The following MEF2C variants were observed in gnomAD, a reference collection of about 807,000 sequenced individuals.
The protein encoded by MEF2C is myocyte-specific enhancer factor 2C.
Under a neutral mutation model 50.5 loss-of-function variants are expected in MEF2C, and 6 were observed. The ratio of observed to expected loss-of-function variants is 0.12; its 90% confidence interval spans 0.07 to 0.23. The LOEUF is 0.23. Ranked by LOEUF, MEF2C falls within the 10% of genes least tolerant of loss-of-function variation. The probability of loss-of-function intolerance (pLI) is 1.00; values close to 1 mark genes in which losing one functional copy is unlikely to be tolerated. For synonymous variants in MEF2C, 183 were observed against 228.0 expected (o/e 0.80, Z 1.78); for missense variants, 276 against 605.0 (o/e 0.46, Z 5.70).
intron 3 of MEF2C, among the ~76,000 whole-genome samples, chr5:88,791,102 T>G (rs1157948770): frequency 6.6e-6 from 1 of 152,172 alleles, no homozygotes; most frequent in African/African-American, 2.4e-5. Context: ...ATTCGGCACC[T>G]TTTAGAGCCA....
intron 2 of MEF2C, among the ~76,000 whole-genome samples, chr5:88,821,746 T>C (rs1808483914): frequency 6.6e-6 from 1 of 151,780 alleles, no homozygotes; most frequent in Non-Finnish European, 1.5e-5. Context: ...TGATGGTTAC[T>C]ATAGGCTGGG....
intron 1 of MEF2C, among the ~76,000 whole-genome samples, chr5:88,853,245 T>A (rs987985456): frequency 6.6e-6 from 1 of 152,104 alleles, no homozygotes; most frequent in Admixed American, 6.5e-5. Flanking sequence ...TGTTCATTTG[T>A]TTTTAAAAAA....
intron 6 of MEF2C, chr5:88,743,463 T>C: frequency 1.0e-6 from 1 of 985,372 alleles, no homozygotes; most frequent in East Asian, 1.1e-4. Flanking sequence ...TTGTCTGACC[T>C]TTCCTCTTTC....
intron 3 of MEF2C, among the ~76,000 whole-genome samples, chr5:88,768,409 A>G (rs189577361): frequency 2.6e-5 from 4 of 152,324 alleles, no homozygotes; most frequent in Non-Finnish European, 5.9e-5. Flanking sequence ...AGTAGGGTCC[A>G]GACCCCTTGA....
At chr5:88,842,901 C>T (rs76484799) in intron 1 of MEF2C, among the ~76,000 whole-genome samples, 4 of 152,020 alleles carry the variant, frequency 2.6e-5, no homozygotes, top group Non-Finnish European at 4.4e-5. Context: ...TGAAATTAAG[C>T]GTGGGTTCTA....
chr5:88,899,071 G>A (rs999152093), intron 1 of MEF2C, among the ~76,000 whole-genome samples: 1 of 152,106 alleles, frequency 6.6e-6, no homozygotes, highest in African/African-American at 2.4e-5. Flanking sequence ...TGACCATTCA[G>A]TACTTTTTTG....
chr5:88,873,835 A>G (rs304137), intron 1 of MEF2C, among the ~76,000 whole-genome samples: 80,785 of 150,384 alleles, frequency 0.54, 22,294 homozygotes, highest in African/African-American at 0.65. Flanking sequence ...AGTCTAAGTG[A>G]ACTTCCAATA....
intron 2 of MEF2C, among the ~76,000 whole-genome samples, chr5:88,806,143 T>C (rs994920121): frequency 2.6e-5 from 4 of 152,268 alleles, no homozygotes; most frequent in East Asian, 3.9e-4. Context: ...TCTTCAGAAC[T>C]AGGTTTTTGA....
chr5:88,776,705 CG>C (rs1295166194), intron 3 of MEF2C, among the ~76,000 whole-genome samples: 2 of 152,112 alleles, frequency 1.3e-5, no homozygotes, highest in African/African-American at 4.8e-5. Context: ...ATTTGAAGAT[CG>C]TGTGAAAGAC....
chr5:88,864,101 A>C (rs1409668789), intron 1 of MEF2C, among the ~76,000 whole-genome samples: 17 of 149,066 alleles, frequency 1.1e-4, no homozygotes, highest in African/African-American at 4.2e-4. Context: ...GGATTATGGG[A>C]TTACAGGCCT....
intron 1 of MEF2C, among the ~76,000 whole-genome samples, chr5:88,840,538 A>G (rs1022216103): frequency 1.3e-5 from 2 of 152,030 alleles, no homozygotes; most frequent in Admixed American, 6.6e-5. Context: ...TTTTAAAGTA[A>G]ATGTTTACCT....
intron 3 of MEF2C, among the ~76,000 whole-genome samples, chr5:88,797,594 A>T (rs1468516154): frequency 1.3e-5 from 2 of 150,108 alleles, no homozygotes; most frequent in African/African-American, 2.5e-5. Context: ...TCTTGACTCT[A>T]TCCAATTTGC....
At position 88,838,620 on chromosome 5, in the gene MEF2C, A is replaced by C. The variant is rs1304483983; in HGVS notation, c.-142-14690T>G. ...ATATCTCATCCCCAAAGCTTGAAGC[A>C]GTCATTTTGCTTTCCTTCAAAGTAC... On this transcript the variant is annotated intron_variant, in intron 1 of 10. Coordinates refer to ENST00000504921, the MANE Select transcript of MEF2C (RefSeq NM_002397.5). 8.1e-6 allele frequency: 8 copies of C among 985,256 alleles called. No homozygotes were observed. In the South Asian group the frequency reaches 3.3e-4, roughly 40 times the overall value. The allele number at this position is 985,256 out of a possible 1,614,324, so 61.0% of individuals were successfully genotyped here.
At chr5:88,743,148 A>C in intron 6 of MEF2C, 16 of 912,976 alleles carry the variant, frequency 1.8e-5, no homozygotes, top group Non-Finnish European at 2.1e-5. Flanking sequence ...TTTAAAAATA[A>C]TATAAAAATT....
intron 2 of MEF2C, among the ~76,000 whole-genome samples, chr5:88,820,130 G>T (rs1464824355): frequency 6.6e-6 from 1 of 151,720 alleles, no homozygotes; most frequent in Non-Finnish European, 1.5e-5. Flanking sequence ...TTATTAGGTT[G>T]TCTGAAAATT....
chr5:88,781,399 A>C (rs921214368), intron 3 of MEF2C, among the ~76,000 whole-genome samples: 15 of 152,248 alleles, frequency 9.9e-5, no homozygotes, highest in Non-Finnish European at 5.9e-5. Flanking sequence ...TCTTACAGGA[A>C]GACCAAAAGT....
At chr5:88,779,140 G>C (rs550822083) in intron 3 of MEF2C, among the ~76,000 whole-genome samples, 4 of 152,178 alleles carry the variant, frequency 2.6e-5, no homozygotes, top group African/African-American at 9.7e-5. Flanking sequence ...TCCATTTTCT[G>C]TTGAATAAAT....
chr5:88,836,523 T>C (rs1032989146), intron 1 of MEF2C, among the ~76,000 whole-genome samples: 1 of 152,132 alleles, frequency 6.6e-6, no homozygotes, highest in African/African-American at 2.4e-5. Flanking sequence ...ATATGGAAAG[T>C]GAAACTGTCA....
intron 1 of MEF2C, among the ~76,000 whole-genome samples, chr5:88,835,551 C>T (rs1441975271): frequency 6.6e-6 from 1 of 151,912 alleles, no homozygotes; most frequent in Non-Finnish European, 1.5e-5. Flanking sequence ...GTGGCTCATG[C>T]CTGTAATCCC....
Sources: allele counts gnomAD v4.1 joint callset (sites outside exome capture counted in the v4.1 genomes callset), GRCh38; gene constraint gnomAD v4.1.1; transcripts MANE v1.5; gene names NCBI Gene and HGNC (gene_info 2026-07-23, HGNC 2026-07-21).